Variants in COG5 observed in about 807,000 individuals in gnomAD.
COG5 encodes the protein conserved oligomeric Golgi complex subunit 5.
A neutral mutation model predicts 110.4 loss-of-function variants in COG5; 86 were observed. That is an observed-to-expected ratio of 0.78 (90% confidence interval 0.65 to 0.93). The LOEUF (loss-of-function observed/expected upper bound fraction) is 0.93, where lower values mean the gene tolerates loss of function less well. Ranked by LOEUF, COG5 falls within the 40% of genes least tolerant of loss-of-function variation. The probability of loss-of-function intolerance (pLI) is 0.00; values close to 1 mark genes in which losing one functional copy is unlikely to be tolerated. For missense variants in COG5, 1,077 were observed against 987.0 expected (o/e 1.09, Z -1.22); for synonymous variants, 360 against 334.6 (o/e 1.08, Z -0.83).
chr7:107,346,735 G>C (rs1811644419), intron 10 of COG5, among the ~76,000 whole-genome samples: 1 of 151,486 alleles, frequency 6.6e-6, no homozygotes, highest in African/African-American at 2.4e-5. Flanking sequence ...TAAGTTCTAG[G>C]GTACATGTGC....
At chr7:107,207,271 T>C (rs6971719) in intron 21 of COG5, among the ~76,000 whole-genome samples, 15,046 of 152,210 alleles carry the variant, frequency 0.099, 1,057 homozygotes, top group Admixed American at 0.2. Context: ...GCTAGTGACA[T>C]GGTACCAGGA....
intron 6 of COG5, among the ~76,000 whole-genome samples, chr7:107,473,292 C>T (rs535764656): frequency 6.6e-6 from 1 of 151,836 alleles, no homozygotes; most frequent in African/African-American, 2.4e-5. Context: ...CAAAATAAAT[C>T]ATTTCATAGG....
rs142501371 is a variant in COG5, at chr7:107,224,414, A to G, written c.2168+6201T>C. Among the ~76,000 whole-genome samples, 932 of 152,316 alleles carry G rather than the reference A, an allele frequency of 6.1e-3. 1 individual carries two copies. The highest frequency in any genetic ancestry group is 9.9e-3 in the Non-Finnish European group (675 of 68,020). On this transcript the variant is annotated intron_variant, in intron 19 of 21. Transcript: ENST00000297135. Reference sequence around the variant, plus strand: ...CAGTTTTCTTCTTCCACTGCTCCTCATGCTAAAAGATCCATCAGAACACAG... The same window carrying G: ...CAGTTTTCTTCTTCCACTGCTCCTCGTGCTAAAAGATCCATCAGAACACAG...
intron 6 of COG5, chr7:107,470,256 C>A (rs975257707): frequency 2.0e-5 from 3 of 152,238 alleles, no homozygotes; most frequent in African/African-American, 7.2e-5. Context: ...AGCAGCACTA[C>A]ATGTTCCATA....
intron 5 of COG5, among the ~76,000 whole-genome samples, chr7:107,534,239 T>G (rs186204852): frequency 1.3e-5 from 2 of 151,664 alleles, no homozygotes; most frequent in East Asian, 3.9e-4. Context: ...CCATCAACAC[T>G]ATGAAGAATC....
At chr7:107,246,364 G>A (rs539944699) in intron 17 of COG5, among the ~76,000 whole-genome samples, 8 of 152,160 alleles carry the variant, frequency 5.3e-5, no homozygotes, top group East Asian at 1.9e-4. Context: ...ATTGCCAAGC[G>A]GGATCTAATT....
At chr7:107,527,205 A>G in intron 6 of COG5, 32 bp downstream of exon 6, 1 of 1,501,000 alleles carries the variant, frequency 6.7e-7, no homozygotes, top group Non-Finnish European at 8.9e-7. Context: ...AATCTCTACT[A>G]ACTTTTTATT....
At chr7:107,238,629 T>C (rs1029685307) in intron 17 of COG5, among the ~76,000 whole-genome samples, 4 of 152,166 alleles carry the variant, frequency 2.6e-5, no homozygotes. Flanking sequence ...TATACAAGGG[T>C]TCCCTTTTCT....
intron 5 of COG5, among the ~76,000 whole-genome samples, chr7:107,542,237 G>A (rs1242370431): frequency 6.6e-6 from 1 of 152,080 alleles, no homozygotes; most frequent in Non-Finnish European, 1.5e-5. Context: ...GATAGGCAGA[G>A]GAATATCTGA....
chr7:107,371,278 C>T (rs548317607), intron 8 of COG5, among the ~76,000 whole-genome samples: 1 of 152,052 alleles, frequency 6.6e-6, no homozygotes, highest in Non-Finnish European at 1.5e-5. Context: ...TACGTAAGGT[C>T]ACATTTATAT....
chr7:107,213,955 A>T (rs185415404), intron 19 of COG5, among the ~76,000 whole-genome samples: 32 of 152,326 alleles, frequency 2.1e-4, no homozygotes, highest in Admixed American at 2.0e-3. Context: ...CCAACAAAAA[A>T]TACACAACAA....
At chr7:107,471,168 T>A (rs1462235891) in intron 6 of COG5, among the ~76,000 whole-genome samples, 1 of 152,090 alleles carries the variant, frequency 6.6e-6, no homozygotes, top group Non-Finnish European at 1.5e-5. Context: ...TATTGTTAAA[T>A]AACATAATAT....
intron 15 of COG5, among the ~76,000 whole-genome samples, chr7:107,257,383 T>C (rs1467052257): frequency 6.6e-6 from 1 of 152,112 alleles, no homozygotes; most frequent in Non-Finnish European, 1.5e-5. Flanking sequence ...CTCTTTAACA[T>C]GTATTTTGTT....
chr7:107,512,237 C>T (rs900476700), intron 6 of COG5, among the ~76,000 whole-genome samples: 53 of 152,070 alleles, frequency 3.5e-4, no homozygotes, highest in African/African-American at 1.2e-3. Flanking sequence ...TCACAAGCAT[C>T]CTTATACACC....
At chr7:107,223,270 G>A (rs543348349) in intron 19 of COG5, among the ~76,000 whole-genome samples, 5 of 152,218 alleles carry the variant, frequency 3.3e-5, no homozygotes, top group Non-Finnish European at 7.3e-5. Flanking sequence ...GAGGGCCTCT[G>A]AGAGAGAAGA....
At chr7:107,297,352 A>T (rs1006698965) in intron 12 of COG5, among the ~76,000 whole-genome samples, 3 of 151,864 alleles carry the variant, frequency 2.0e-5, no homozygotes, top group Non-Finnish European at 4.4e-5. Flanking sequence ...TTATATGCAA[A>T]TATTATGTCA....
At chr7:107,299,536 C>G (rs1418463849) in intron 11 of COG5, among the ~76,000 whole-genome samples, 1 of 151,908 alleles carries the variant, frequency 6.6e-6, no homozygotes, top group Non-Finnish European at 1.5e-5. Context: ...AGTTAAAAAT[C>G]TTTCCACAAA....
chr7:107,234,077 C>T (rs1263348091), intron 18 of COG5, among the ~76,000 whole-genome samples: 1 of 152,114 alleles, frequency 6.6e-6, no homozygotes, highest in Non-Finnish European at 1.5e-5. Context: ...ACCCATGATC[C>T]ACAGGACTGG....
At chr7:107,331,014 G>A (rs1054510650) in intron 10 of COG5, among the ~76,000 whole-genome samples, 1 of 152,060 alleles carries the variant, frequency 6.6e-6, no homozygotes, top group Non-Finnish European at 1.5e-5. Context: ...GTGAAAAAGT[G>A]TTTTCTATCC....
Sources: allele counts gnomAD v4.1 joint callset (sites outside exome capture counted in the v4.1 genomes callset), GRCh38; gene constraint gnomAD v4.1.1; transcripts MANE v1.5; gene names NCBI Gene and HGNC (gene_info 2026-07-23, HGNC 2026-07-21).